UBE3C: variants seen among roughly 807,000 people sequenced by gnomAD.
UBE3C encodes the protein ubiquitin-protein ligase E3C.
UBE3C carries 42 observed loss-of-function variants against 129.4 expected under a neutral mutation model. That is an observed-to-expected ratio of 0.32 (90% CI 0.25 to 0.42). UBE3C has a LOEUF of 0.42. Among genes scored for constraint, UBE3C ranks in the 10% least tolerant of loss-of-function variants. The pLI is 1.00. For missense variants in UBE3C, 1,049 were observed against 1,319.1 expected (o/e 0.80, Z 3.17); for synonymous variants, 510 against 492.4 (o/e 1.04, Z -0.47).
intron 22 of UBE3C, among the ~76,000 whole-genome samples, chr7:157,263,523 G>T (rs1001111412): frequency 2.0e-5 from 3 of 152,112 alleles, no homozygotes; most frequent in Non-Finnish European, 4.4e-5. Context: ...AATTAGCTAG[G>T]TGTGATGATG....
chr7:157,239,859 C>G (rs533853596), intron 18 of UBE3C, among the ~76,000 whole-genome samples: 1 of 152,300 alleles, frequency 6.6e-6, no homozygotes, highest in East Asian at 1.9e-4. Context: ...CTGGGTGCAG[C>G]TGCATGAGCT....
chr7:157,194,760 T>A (rs1285924771), intron 10 of UBE3C, among the ~76,000 whole-genome samples: 3 of 152,226 alleles, frequency 2.0e-5, no homozygotes, highest in Admixed American at 1.3e-4. Context: ...GGGGTCCTTG[T>A]TACATAGTGG....
intron 12 of UBE3C, 73 bp from the exon 13 acceptor site, chr7:157,207,630 A>G (rs1376031250): frequency 6.3e-7 from 1 of 1,585,222 alleles, no homozygotes; most frequent in Non-Finnish European, 8.5e-7. Context: ...AAAAGTTTTA[A>G]GCTTTTTAAG....
chr7:157,190,286 A>AC (rs1808920546), intron 10 of UBE3C, among the ~76,000 whole-genome samples: 1 of 152,014 alleles, frequency 6.6e-6, no homozygotes, highest in Non-Finnish European at 1.5e-5. Flanking sequence ...CCAGGGTCTG[A>AC]AGTTGAGTCC....
intron 2 of UBE3C, among the ~76,000 whole-genome samples, chr7:157,168,097 A>T (rs1808266605): frequency 6.6e-6 from 1 of 151,932 alleles, no homozygotes; most frequent in Admixed American, 6.6e-5. Flanking sequence ...CATGCCTGTA[A>T]TCTCAGCATT....
At chr7:157,139,428 C>CTCGGGGCCGAGACTTGGGGCTGGAT in intron 1 of UBE3C, 90 bp downstream of exon 1, 1 of 1,230,586 alleles carries the variant, frequency 8.1e-7, no homozygotes, top group Admixed American at 3.4e-5. Flanking sequence ...CGGGGCTGGA[C>CTCGGGGCCGAGACTTGGGGCTGGAT]TCGGGGCCGA....
intron 15 of UBE3C, chr7:157,221,089 G>A (rs1160222180): frequency 8.0e-6 from 2 of 250,100 alleles, no homozygotes; most frequent in East Asian, 1.6e-4. Context: ...GTGCTGTGTG[G>A]GTTGATTGTT....
At chr7:157,255,239 A>G (rs922992918) in intron 21 of UBE3C, among the ~76,000 whole-genome samples, 2 of 152,264 alleles carry the variant, frequency 1.3e-5, no homozygotes, top group Non-Finnish European at 2.9e-5. Context: ...GTTCAGCATC[A>G]TTAGTCATTA....
At chr7:157,156,632 T>C (rs1807915215) in intron 1 of UBE3C, among the ~76,000 whole-genome samples, 1 of 151,292 alleles carries the variant, frequency 6.6e-6, no homozygotes, top group Non-Finnish European at 1.5e-5. Context: ...ACATTCACAC[T>C]CTATTTTGGG....
In UBE3C at chr7:157,224,680, A is replaced by G. The variant is rs138770050; in HGVS notation, c.2101-727A>G. The stretch of plus-strand genomic sequence containing the variant: ...TCTTCAGTAATGGCTTCAAGAGTGT[A>G]TTTTTTAGGCCTATACACTCTATTT... On this transcript the variant is annotated intron_variant, in intron 16 of 22. Transcript: ENST00000348165. 6.9e-3 allele frequency among the ~76,000 whole-genome samples: 1,044 copies of G among 151,224 alleles called. 18 individuals are homozygous for G. The highest frequency in any genetic ancestry group is 0.049 in the South Asian group (234 of 4,810).
chr7:157,181,461 T>C (rs931853550), intron 6 of UBE3C, 57 bp from the exon 7 acceptor site: 7 of 1,498,066 alleles, frequency 4.7e-6, no homozygotes. Flanking sequence ...ATTGGCAAGT[T>C]TTTTCCCTTA....
chr7:157,253,174 C>T (rs1039751515), intron 19 of UBE3C, among the ~76,000 whole-genome samples: 1 of 152,144 alleles, frequency 6.6e-6, no homozygotes, highest in East Asian at 1.9e-4. Context: ...CATGTAATCA[C>T]AGCAATTCCA....
chr7:157,163,780 T>G (rs1336553628), intron 1 of UBE3C, 30 bp from the exon 2 acceptor site: 1 of 1,604,512 alleles, frequency 6.2e-7, no homozygotes, highest in Non-Finnish European at 8.5e-7. Context: ...AATTATAACC[T>G]TACCTCCTTT....
chr7:157,256,031 G>A (rs1011663151), intron 21 of UBE3C, among the ~76,000 whole-genome samples: 9 of 152,220 alleles, frequency 5.9e-5, no homozygotes, highest in South Asian at 2.1e-4. Flanking sequence ...TCTGTTCAGC[G>A]GCGGCTTTGA....
chr7:157,196,214 C>G (rs1809116977), intron 10 of UBE3C, among the ~76,000 whole-genome samples: 3 of 152,212 alleles, frequency 2.0e-5, no homozygotes, highest in Admixed American at 2.0e-4. Context: ...AAATAATTCT[C>G]CTATGCAACG....
chr7:157,207,570 A>G lies in UBE3C; in HGVS notation c.1576+15A>G. On this transcript the variant is annotated intron_variant, in intron 12 of 22. Transcript: ENST00000348165. ...TCCCATAGAAGGTAAGGATTTTGAG[A>G]AACCAGTTTGCTGCTGGCCACTTGG... is the stretch of plus-strand genomic sequence containing the variant. The G allele has an allele frequency of 6.2e-7, 1 of 1,605,578 alleles. No homozygotes were observed. The highest frequency in any genetic ancestry group is 8.5e-7 in the Non-Finnish European group (1 of 1,177,850).
chr7:157,171,693 T>A (rs1288304274), intron 4 of UBE3C, among the ~76,000 whole-genome samples: 445 of 16,460 alleles, frequency 0.027, 11 homozygotes, highest in Middle Eastern at 0.052. Context: ...TATATTTTTT[T>A]TTTTTTTTTT....
intron 1 of UBE3C, among the ~76,000 whole-genome samples, chr7:157,147,120 G>A (rs957401051): frequency 1.3e-5 from 2 of 152,088 alleles, no homozygotes; most frequent in African/African-American, 4.8e-5. Flanking sequence ...AGATCAAGTT[G>A]GGAAAAACTA....
chr7:157,200,137 C>T (rs2116982804), intron 10 of UBE3C, among the ~76,000 whole-genome samples: 2 of 152,294 alleles, frequency 1.3e-5, no homozygotes, highest in Middle Eastern at 6.8e-3. Flanking sequence ...TTTTAGCCTA[C>T]ATGACATTGG....
Sources: allele counts gnomAD v4.1 joint callset (sites outside exome capture counted in the v4.1 genomes callset), GRCh38; gene constraint gnomAD v4.1.1; transcripts MANE v1.5; gene names NCBI Gene and HGNC (gene_info 2026-07-23, HGNC 2026-07-21).